The following CDH12 variants were observed in gnomAD, a reference collection of about 807,000 sequenced individuals.
CDH12 encodes cadherin 12, also known as cadherin-12.
CDH12 carries 41 observed loss-of-function variants against 74.1 expected under a neutral mutation model. The ratio of observed to expected loss-of-function variants is 0.55; its 90% CI spans 0.43 to 0.72. The LOEUF (loss-of-function observed/expected upper bound fraction) is 0.72, where lower values mean the gene tolerates loss of function less well. CDH12 is among the 30% of genes least tolerant of loss of function. CDH12 has a pLI of 0.00. For synonymous variants in CDH12, 399 were observed against 355.0 expected (o/e 1.12, Z -1.39); for missense variants, 945 against 977.2 (o/e 0.97, Z 0.44).
rs145937066 is a variant in CDH12 at position 21,898,194 on chromosome 5, A to G, written c.527-43404T>C. On this transcript the variant is annotated intron_variant, in intron 6 of 14. Coordinates refer to ENST00000382254, the MANE Select transcript of CDH12 (RefSeq NM_004061.5). ...TATGTAGGGCCTTTTAGTATACATTAAATTTTTTTTCTGTTTTTCTTTTTA... is the reference window on the plus strand; with the variant it reads ...TATGTAGGGCCTTTTAGTATACATTGAATTTTTTTTCTGTTTTTCTTTTTA... Among the ~76,000 whole-genome samples the G allele has an allele frequency of 2.6e-3, 398 of 152,172 alleles. 6 individuals are homozygous for G. Among genetic ancestry groups the G allele is most frequent in the South Asian group, 0.012 (57 of 4,820 alleles).
chr5:21,950,050 G>T (rs1242632663), intron 6 of CDH12, among the ~76,000 whole-genome samples: 1 of 151,996 alleles, frequency 6.6e-6, no homozygotes, highest in Non-Finnish European at 1.5e-5. Flanking sequence ...CCCTAATCAG[G>T]TATACCATTT....
intron 2 of CDH12, among the ~76,000 whole-genome samples, chr5:22,412,508 C>T (rs1421903757): frequency 6.6e-6 from 1 of 151,802 alleles, no homozygotes; most frequent in South Asian, 2.1e-4. Context: ...TTTATCAAAA[C>T]AGTTATTTGT....
chr5:21,899,635 G>A (rs1191557184), intron 6 of CDH12, among the ~76,000 whole-genome samples: 1 of 151,666 alleles, frequency 6.6e-6, no homozygotes. Context: ...TTGAGGCATG[G>A]CATTCAAATT....
chr5:21,753,711 A>G (rs946760822), intron 14 of CDH12, among the ~76,000 whole-genome samples: 1 of 152,140 alleles, frequency 6.6e-6, no homozygotes, highest in African/African-American at 2.4e-5. Flanking sequence ...TGTATACCAA[A>G]AATTCACCAT....
intron 1 of CDH12, among the ~76,000 whole-genome samples, chr5:22,742,068 C>A (rs576747444): frequency 6.6e-6 from 1 of 152,028 alleles, no homozygotes; most frequent in African/African-American, 2.4e-5. Context: ...GTAGTCCCAG[C>A]TACTCAGGGA....
intron 1 of CDH12, among the ~76,000 whole-genome samples, chr5:22,660,542 G>A (rs1740294588): frequency 6.6e-6 from 1 of 152,164 alleles, no homozygotes; most frequent in South Asian, 2.1e-4. Flanking sequence ...CCCCGGAGTA[G>A]CTGTGACTAC....
chr5:22,333,600 A>G (rs539776040), intron 3 of CDH12, among the ~76,000 whole-genome samples: 1 of 152,308 alleles, frequency 6.6e-6, no homozygotes, highest in African/African-American at 2.4e-5. Flanking sequence ...TGTGAAAAAT[A>G]GAGGAGGAGG....
intron 1 of CDH12, among the ~76,000 whole-genome samples, chr5:22,730,859 AC>A: frequency 6.6e-6 from 1 of 151,996 alleles, no homozygotes; most frequent in African/African-American, 2.4e-5. Flanking sequence ...AAATAAAACT[AC>A]AATAGACACA....
chr5:22,751,371 T>G (rs1404643953), intron 1 of CDH12, among the ~76,000 whole-genome samples: 1 of 148,958 alleles, frequency 6.7e-6, no homozygotes, highest in African/African-American at 2.4e-5. Flanking sequence ...ATCTACAAAG[T>G]ATATAATCTT....
Position 21,884,304 on chromosome 5 carries a change from A to G in CDH12, c.527-29514T>C, listed in dbSNP as rs1752515897. On this transcript the variant is annotated intron_variant, in intron 6 of 14. Transcript: ENST00000382254. ...AATGGGAGGTGGTATGGGAGGTGGCATGTTCTAACTCCTAGACTAGTGCTT... is the reference window on the plus strand; with the variant it reads ...AATGGGAGGTGGTATGGGAGGTGGCGTGTTCTAACTCCTAGACTAGTGCTT... 5 of 1,379,866 alleles carry G rather than the reference A, an allele frequency of 3.6e-6. No homozygotes were observed. The Admixed American group carries it at 5.0e-5, about 14-fold the overall frequency. 85.5% of individuals were successfully genotyped at this position (1,379,866 alleles called of 1,614,324 possible).
intron 1 of CDH12, among the ~76,000 whole-genome samples, chr5:22,594,328 CT>C (rs967072797): frequency 2.6e-5 from 4 of 152,136 alleles, no homozygotes; most frequent in African/African-American, 9.7e-5. Flanking sequence ...TGAAAACCCC[CT>C]TGTGTTCTCC....
intron 5 of CDH12, among the ~76,000 whole-genome samples, chr5:22,077,682 A>C (rs1580212867): frequency 6.6e-6 from 1 of 152,112 alleles, no homozygotes; most frequent in Non-Finnish European, 1.5e-5. Flanking sequence ...TGTTCTAGAC[A>C]TGGGTGAAAA....
intron 1 of CDH12, among the ~76,000 whole-genome samples, chr5:22,527,978 A>G (rs1054550044): frequency 2.6e-5 from 4 of 152,120 alleles, no homozygotes; most frequent in African/African-American, 9.7e-5. Context: ...CACACTCTTA[A>G]TATCCATTTC....
intron 4 of CDH12, among the ~76,000 whole-genome samples, chr5:22,123,970 T>G (rs1257558081): frequency 6.6e-6 from 1 of 151,084 alleles, no homozygotes; most frequent in Non-Finnish European, 1.5e-5. Context: ...TTTATTTTAT[T>G]TTTTATTTTT....
intron 1 of CDH12, among the ~76,000 whole-genome samples, chr5:22,572,785 T>A (rs994955328): frequency 6.6e-6 from 1 of 152,176 alleles, no homozygotes; most frequent in African/African-American, 2.4e-5. Flanking sequence ...TATAAATAGT[T>A]CTATATTCTA....
At chr5:21,893,623 T>G (rs1362456259) in intron 6 of CDH12, among the ~76,000 whole-genome samples, 1 of 152,210 alleles carries the variant, frequency 6.6e-6, no homozygotes, top group Admixed American at 6.5e-5. Context: ...CTTGCAATTT[T>G]GATGTCTACT....
At chr5:22,326,297 C>A (rs13175028) in intron 3 of CDH12, among the ~76,000 whole-genome samples, 51,597 of 151,354 alleles carry the variant, frequency 0.34, 10,801 homozygotes, top group Admixed American at 0.46. Flanking sequence ...TGCAGTGGCG[C>A]GATCTCGGCT....
intron 1 of CDH12, among the ~76,000 whole-genome samples, chr5:22,851,377 C>G (rs190487022): frequency 6.6e-6 from 1 of 152,028 alleles, no homozygotes; most frequent in Non-Finnish European, 1.5e-5. Context: ...GTTAAGAACA[C>G]AGCAAGCAGA....
rs557529226 is a variant in CDH12 at position 22,817,366 on chromosome 5, A to C, written c.-523+35692T>G. Among the ~76,000 whole-genome samples, 11 of 152,222 alleles carry C rather than the reference A, an allele frequency of 7.2e-5. 1 individual carries two copies. In the South Asian group the frequency reaches 1.9e-3, roughly 26 times the overall value. On this transcript the variant is annotated intron_variant, in intron 1 of 14. Coordinates refer to ENST00000382254, the MANE Select transcript of CDH12 (RefSeq NM_004061.5). Reference sequence around the variant, plus strand: ...AAGATCATATATTTTCTTCAAATTCATCAGAGACACTGATAGCATCAAACT... The same window carrying C: ...AAGATCATATATTTTCTTCAAATTCCTCAGAGACACTGATAGCATCAAACT...
Sources: gnomAD v4.1 joint callset for allele counts (sites outside exome capture counted in the v4.1 genomes callset) on GRCh38, gnomAD v4.1.1 for gene constraint, MANE v1.5 for transcripts, NCBI Gene and HGNC (gene_info 2026-07-23, HGNC 2026-07-21) for gene names.